The following RAPGEF1 variants were observed in gnomAD, a reference collection of about 807,000 sequenced individuals.
The protein encoded by RAPGEF1 is CRK SH3-binding GNRP.
Under a neutral mutation model 143.3 loss-of-function variants are expected in RAPGEF1, and 33 were observed. The ratio of observed to expected loss-of-function variants is 0.23; its 90% CI spans 0.17 to 0.31. The LOEUF is 0.31. Among genes scored for constraint, RAPGEF1 ranks in the 10% least tolerant of loss-of-function variants. The pLI, the probability that RAPGEF1 is intolerant of heterozygous loss-of-function variation, is 1.00. For missense variants in RAPGEF1, 1,199 were observed against 1,645.4 expected (o/e 0.73, Z 4.69); for synonymous variants, 629 against 676.5 (o/e 0.93, Z 1.09).
intron 1 of RAPGEF1, among the ~76,000 whole-genome samples, chr9:131,717,663 C>T (rs960579509): frequency 6.6e-6 from 1 of 151,390 alleles, no homozygotes; most frequent in Non-Finnish European, 1.5e-5. Flanking sequence ...ATCCCAGCTA[C>T]CGGGGAGGCT....
chr9:131,661,556 A>G (rs181880030), intron 1 of RAPGEF1, among the ~76,000 whole-genome samples: 1 of 152,324 alleles, frequency 6.6e-6, no homozygotes, highest in Non-Finnish European at 1.5e-5. Context: ...AGCTATCTAC[A>G]TAAGGTATGT....
chr9:131,657,198 C>T (rs1244039156), intron 1 of RAPGEF1, among the ~76,000 whole-genome samples: 2 of 152,206 alleles, frequency 1.3e-5, no homozygotes, highest in African/African-American at 4.8e-5. Context: ...CTCACATGAA[C>T]ACTGCTGTTA....
intron 1 of RAPGEF1, among the ~76,000 whole-genome samples, chr9:131,680,920 AGGGGTC>A (rs895404653): frequency 6.6e-6 from 1 of 152,028 alleles, no homozygotes; most frequent in African/African-American, 2.4e-5. Context: ...ATCCAGGTGG[AGGGGTC>A]GCCAGAGTGA....
At chr9:131,604,316 G>A (rs1239360558) in intron 13 of RAPGEF1, among the ~76,000 whole-genome samples, 2 of 152,220 alleles carry the variant, frequency 1.3e-5, no homozygotes, top group African/African-American at 4.8e-5. Context: ...GGCGGGAAAC[G>A]ATTATGGAGG....
chr9:131,650,791 AC>A lies in RAPGEF1; in HGVS notation c.201+18del. On this transcript the variant is annotated intron_variant, in intron 2 of 26. Transcript: ENST00000683357. The surrounding 1 kb of genome is among the most constrained non-coding windows in gnomAD (Gnocchi z 4.7). The stretch of plus-strand genomic sequence containing the variant: ...CTGGAAGCAGGTGAGGCCAGGAGAA[AC>A]ATCCAGAGTCAGCTTACTTTGTTCA... 4 of 1,612,096 alleles carry A rather than the reference AC, an allele frequency of 2.5e-6. No individual in the cohort carries two copies. Among genetic ancestry groups the A allele is most frequent in the Non-Finnish European group, 3.4e-6 (4 of 1,179,186 alleles).
chr9:131,604,884 G>GT, intron 13 of RAPGEF1, 47 bp downstream of exon 13: 2 of 1,258,498 alleles, frequency 1.6e-6, no homozygotes, highest in African/African-American at 1.7e-5. Flanking sequence ...CCATGTGCAG[G>GT]GGTGTGTGTG....
At chr9:131,737,911 T>A (rs1462260430) in intron 1 of RAPGEF1, among the ~76,000 whole-genome samples, 1 of 149,434 alleles carries the variant, frequency 6.7e-6, no homozygotes, top group Non-Finnish European at 1.5e-5. Flanking sequence ...GAGCTTGCAG[T>A]GAGCCGAGAT....
At chr9:131,614,864 T>C (rs998288219) in intron 12 of RAPGEF1, among the ~76,000 whole-genome samples, 1 of 151,908 alleles carries the variant, frequency 6.6e-6, no homozygotes, top group Non-Finnish European at 1.5e-5. Context: ...CAGATGACAG[T>C]TATTACAGGC....
chr9:131,717,481 A>G (rs1835941825), intron 1 of RAPGEF1, among the ~76,000 whole-genome samples: 1 of 152,218 alleles, frequency 6.6e-6, no homozygotes, highest in Non-Finnish European at 1.5e-5. Context: ...ATATCATAAA[A>G]AAGAAGCAAA....
At chr9:131,738,468 A>G (rs1837556740) in intron 1 of RAPGEF1, among the ~76,000 whole-genome samples, 1 of 152,098 alleles carries the variant, frequency 6.6e-6, no homozygotes, top group Non-Finnish European at 1.5e-5. Flanking sequence ...AAATTCAGTG[A>G]GAAAAATACT....
chr9:131,709,966 C>T, intron 1 of RAPGEF1: 1 of 984,530 alleles, frequency 1.0e-6, no homozygotes, highest in East Asian at 1.1e-4. Flanking sequence ...GAAGCTCTTT[C>T]CTCAGCATCC....
In RAPGEF1 at chr9:131,604,913, T is replaced by TGC. The variant is rs58775804; in HGVS notation, c.2319+16_2319+17dup. 2.9e-5 allele frequency: 37 copies of TGC among 1,287,256 alleles called. No homozygotes were observed. Among genetic ancestry groups the TGC allele is most frequent in the African/African-American group, 1.6e-4 (10 of 64,364 alleles). The allele number at this position is 1,287,256 out of a possible 1,614,324, so 79.7% of individuals were successfully genotyped here. A position where few individuals can be genotyped will look rare whatever the true frequency, so the allele number is the denominator to read the frequency against. The stretch of plus-strand genomic sequence containing the variant: ...GTGTGTGTGTGTGTGTGTGTGTGTG[T>TGC]GCACGCTGAGTTCTCACCGAGTCAG... On this transcript the variant is annotated intron_variant, in intron 13 of 26. Coordinates refer to ENST00000683357, the MANE Select transcript of RAPGEF1 (RefSeq NM_001377935.1).
At chr9:131,635,181 C>T (rs1172661018) in intron 5 of RAPGEF1, among the ~76,000 whole-genome samples, 1 of 152,126 alleles carries the variant, frequency 6.6e-6, no homozygotes, top group Non-Finnish European at 1.5e-5. Flanking sequence ...TTCCCCACTG[C>T]CTCCTGGTCA....
chr9:131,624,323 C>A (rs1446953249), intron 10 of RAPGEF1, among the ~76,000 whole-genome samples: 1 of 152,226 alleles, frequency 6.6e-6, no homozygotes, highest in African/African-American at 2.4e-5. Flanking sequence ...CACACCATGG[C>A]TGTAGCTCAG....
chr9:131,633,638 C>T (rs569462389), intron 5 of RAPGEF1, among the ~76,000 whole-genome samples: 2 of 152,302 alleles, frequency 1.3e-5, no homozygotes, highest in South Asian at 4.1e-4. Flanking sequence ...GACATGTGCC[C>T]AAATTCAAAG....
At chr9:131,683,114 A>C (rs1833055149) in intron 1 of RAPGEF1, among the ~76,000 whole-genome samples, 1 of 152,226 alleles carries the variant, frequency 6.6e-6, no homozygotes, top group South Asian at 2.1e-4. Context: ...GAATTGGGGC[A>C]TGTCCCTGGT....
intron 1 of RAPGEF1, among the ~76,000 whole-genome samples, chr9:131,696,399 CAT>C (rs1002138143): frequency 5.3e-5 from 8 of 152,206 alleles, no homozygotes; most frequent in African/African-American, 1.9e-4. Context: ...AATAAAGCAG[CAT>C]ATGTGACAGA....
chr9:131,598,563 C>A (rs775810762), intron 15 of RAPGEF1: 81 of 616,708 alleles, frequency 1.3e-4, no homozygotes, highest in Admixed American at 5.5e-4. Flanking sequence ...TAAAAAGGTT[C>A]CATTAAGCTG....
At chr9:131,721,706 C>CAA (rs111325703) in intron 1 of RAPGEF1, among the ~76,000 whole-genome samples, 3 of 139,084 alleles carry the variant, frequency 2.2e-5, no homozygotes, top group African/African-American at 5.3e-5. Context: ...CAACCTCAGG[C>CAA]AAAAAAAAAA....
Sources: gnomAD v4.1 joint callset for allele counts (sites outside exome capture counted in the v4.1 genomes callset) on GRCh38, gnomAD v4.1.1 for gene constraint, Gnocchi (gnomAD v3.1) non-coding constraint, MANE v1.5 for transcripts, NCBI Gene and HGNC (gene_info 2026-07-23, HGNC 2026-07-21) for gene names.